Variants in GTPBP10 observed in about 807,000 individuals in gnomAD.
GTPBP10 encodes the protein GTP binding protein 10, also known as GTP-binding protein 10.
A neutral mutation model predicts 44.8 loss-of-function variants in GTPBP10; 38 were observed. The observed-to-expected ratio is 0.85, with a 90% CI of 0.65 to 1.11. GTPBP10 has a LOEUF of 1.11. GTPBP10 is among the 50% of genes most tolerant of loss of function. The pLI is 0.00. For missense variants in GTPBP10, 462 were observed against 453.7 expected (o/e 1.02, Z -0.17); for synonymous variants, 152 against 150.6 (o/e 1.01, Z -0.07).
chr7:90,358,008 AC>A (rs1795940177), intron 4 of GTPBP10, among the ~76,000 whole-genome samples: 1 of 152,168 alleles, frequency 6.6e-6, no homozygotes, highest in African/African-American at 2.4e-5. Context: ...CTGTTTGCCC[AC>A]CATATGATCT....
intron 4 of GTPBP10, among the ~76,000 whole-genome samples, chr7:90,363,392 G>A (rs1398739644): frequency 6.6e-6 from 1 of 152,130 alleles, no homozygotes; most frequent in East Asian, 1.9e-4. Flanking sequence ...CTTCACTTAT[G>A]AATCTTAGTT....
chr7:90,355,326 C>T, intron 4 of GTPBP10, 96 bp downstream of exon 4: 1 of 814,386 alleles, frequency 1.2e-6, no homozygotes, highest in Admixed American at 2.9e-5. Flanking sequence ...ATAATTATTT[C>T]TAATTTATGG....
chr7:90,366,461 T>TA (rs1796135999), intron 4 of GTPBP10, among the ~76,000 whole-genome samples: 1 of 152,206 alleles, frequency 6.6e-6, no homozygotes, highest in Non-Finnish European at 1.5e-5. Flanking sequence ...CAGGACCTGT[T>TA]ACTGGTCTAT....
chr7:90,378,004 A>G (rs1211657482), intron 7 of GTPBP10, 130 bp from the exon 8 acceptor site: 11 of 1,165,964 alleles, frequency 9.4e-6, no homozygotes, highest in Non-Finnish European at 1.3e-5. Context: ...ACTTATTTTG[A>G]ATTACTAAGT....
intron 8 of GTPBP10, among the ~76,000 whole-genome samples, chr7:90,381,095 G>A (rs1344820378): frequency 6.6e-6 from 1 of 152,108 alleles, no homozygotes; most frequent in Non-Finnish European, 1.5e-5. Context: ...AGTAAAAATG[G>A]GAATGCAGAG....
intron 1 of GTPBP10, chr7:90,347,436 A>T (rs534069966): frequency 6.1e-6 from 1 of 165,242 alleles, no homozygotes; most frequent in South Asian, 2.0e-4. Context: ...AAAGTGTTAC[A>T]TATTTAATGG....
At chr7:90,368,056 A>G (rs1349571074) in intron 4 of GTPBP10, among the ~76,000 whole-genome samples, 1 of 152,128 alleles carries the variant, frequency 6.6e-6, no homozygotes, top group African/African-American at 2.4e-5. Flanking sequence ...ATTTGGCTGG[A>G]TATGAAATTC....
rs1011447153 is a variant in GTPBP10 at position 90,388,596 on chromosome 7, T to A, written c.*3442T>A. The A allele has an allele frequency of 2.6e-5, 4 of 152,214 alleles. No homozygotes were observed. Among genetic ancestry groups the A allele is most frequent in the Non-Finnish European group, 5.9e-5 (4 of 68,028 alleles). 9.4% of individuals were successfully genotyped at this position (152,214 alleles called of 1,614,324 possible). A position where few individuals can be genotyped will look rare whatever the true frequency, so the allele number is the denominator to read the frequency against. ...TTTGTCATAACAAGGTGAACTTTTT[T>A]AAAATGGTAAACATGTATTAGTTAC... On this transcript the variant is annotated 3_prime_UTR_variant, in exon 10 of 10. Coordinates refer to ENST00000222511, the MANE Select transcript of GTPBP10 (RefSeq NM_033107.4).
chr7:90,365,598 G>A (rs925774803), intron 4 of GTPBP10, among the ~76,000 whole-genome samples: 17 of 151,704 alleles, frequency 1.1e-4, no homozygotes, highest in African/African-American at 2.9e-4. Flanking sequence ...GGATGGTCTC[G>A]ATCTCCTGAC....
chr7:90,367,840 T>A (rs1368908876), intron 4 of GTPBP10, among the ~76,000 whole-genome samples: 2 of 152,234 alleles, frequency 1.3e-5, no homozygotes, highest in East Asian at 3.8e-4. Flanking sequence ...TAGCTGGTTA[T>A]TTTGCCCGTT....
chr7:90,377,212 A>G (rs1796356819), intron 6 of GTPBP10, among the ~76,000 whole-genome samples: 2 of 152,202 alleles, frequency 1.3e-5, no homozygotes, highest in Admixed American at 6.5e-5. Flanking sequence ...TGACAGAGCA[A>G]GATCCTGTCT....
chr7:90,378,553 C>T (rs1422452886), intron 8 of GTPBP10, among the ~76,000 whole-genome samples: 1 of 152,118 alleles, frequency 6.6e-6, no homozygotes, highest in Non-Finnish European at 1.5e-5. Flanking sequence ...ACTATTTCTC[C>T]GTCTACTTTT....
At chr7:90,349,512 A>G (rs1166904412) in intron 1 of GTPBP10, among the ~76,000 whole-genome samples, 3 of 152,196 alleles carry the variant, frequency 2.0e-5, no homozygotes, top group Admixed American at 1.3e-4. Context: ...GAAAGCATCC[A>G]TGGAACCAAT....
At chr7:90,367,187 G>T (rs1376651977) in intron 4 of GTPBP10, among the ~76,000 whole-genome samples, 1 of 152,190 alleles carries the variant, frequency 6.6e-6, no homozygotes, top group Non-Finnish European at 1.5e-5. Context: ...TGCATTTGCT[G>T]AGGAGTGTTT....
intron 4 of GTPBP10, among the ~76,000 whole-genome samples, chr7:90,362,673 A>T (rs1796048651): frequency 6.6e-6 from 1 of 152,158 alleles, no homozygotes; most frequent in East Asian, 1.9e-4. Context: ...GCTGAGTTCA[A>T]TTCCTGGATA....
intron 4 of GTPBP10, among the ~76,000 whole-genome samples, chr7:90,365,172 C>G (rs1383287314): frequency 6.6e-6 from 1 of 152,080 alleles, no homozygotes. Context: ...GTGAGATGAA[C>G]CCAGTACCTC....
At chr7:90,351,861 A>G (rs1795797180) in intron 1 of GTPBP10, among the ~76,000 whole-genome samples, 1 of 151,960 alleles carries the variant, frequency 6.6e-6, no homozygotes, top group Non-Finnish European at 1.5e-5. Flanking sequence ...ACGCCTGGCT[A>G]GTTTTTTTGT....
intron 4 of GTPBP10, among the ~76,000 whole-genome samples, chr7:90,358,703 A>G (rs962169196): frequency 3.9e-5 from 6 of 152,244 alleles, no homozygotes; most frequent in Admixed American, 6.5e-5. Context: ...TGGCCTAGAC[A>G]AAGAATCTGT....
At chr7:90,377,421 G>A in intron 6 of GTPBP10, 86 bp from the exon 7 acceptor site, 1 of 813,930 alleles carries the variant, frequency 1.2e-6, no homozygotes, top group Non-Finnish European at 2.0e-6. Flanking sequence ...GTTTATATTT[G>A]AAATATCTTA....
Sources: gnomAD v4.1 joint callset for allele counts (sites outside exome capture counted in the v4.1 genomes callset) on GRCh38, gnomAD v4.1.1 for gene constraint, MANE v1.5 for transcripts, NCBI Gene and HGNC (gene_info 2026-07-23, HGNC 2026-07-21) for gene names.